Variants in DAB1 observed in about 807,000 individuals in gnomAD.
DAB1 encodes DAB adaptor protein 1, also known as disabled homolog 1.
In DAB1, 15 loss-of-function variants were observed where a neutral mutation model predicts 64.6. The ratio of observed to expected loss-of-function variants is 0.23; its 90% CI spans 0.16 to 0.36. DAB1 has a LOEUF of 0.36. Among genes scored for constraint, DAB1 ranks in the 10% least tolerant of loss-of-function variants. The pLI is 1.00. For synonymous variants in DAB1, 235 were observed against 251.9 expected (o/e 0.93, Z 0.64); for missense variants, 596 against 706.7 (o/e 0.84, Z 1.78).
intron 7 of DAB1, among the ~76,000 whole-genome samples, chr1:57,550,074 C>G (rs2101472822): frequency 6.6e-6 from 1 of 152,252 alleles, no homozygotes; most frequent in Middle Eastern, 3.4e-3. Context: ...GGCTTTGGAA[C>G]AATCAAGACC....
intron 1 of DAB1, among the ~76,000 whole-genome samples, chr1:57,375,983 C>A (rs1680867839): frequency 6.6e-6 from 1 of 152,156 alleles, no homozygotes; most frequent in Admixed American, 6.5e-5. Flanking sequence ...GACACGGACA[C>A]AGACAACTGT....
At chr1:58,118,813 C>T (rs527256659) in intron 5 of DAB1, among the ~76,000 whole-genome samples, 33 of 151,726 alleles carry the variant, frequency 2.2e-4, no homozygotes, top group South Asian at 4.2e-4. Context: ...CCACATACCT[C>T]GGAAATAGCA....
At chr1:57,425,628 G>A (rs568919955), upstream of DAB1, among the ~76,000 whole-genome samples, 8 of 152,312 alleles carry the variant, frequency 5.3e-5, no homozygotes, top group South Asian at 1.7e-3. Flanking sequence ...TGAAAAGATA[G>A]CAATTTACAT....
chr1:58,529,315 G>A (rs1247004046), intron 1 of DAB1, among the ~76,000 whole-genome samples: 2 of 152,088 alleles, frequency 1.3e-5, no homozygotes, highest in South Asian at 2.1e-4. Flanking sequence ...ATAACAGATT[G>A]TTCCTAAATA....
intron 4 of DAB1, among the ~76,000 whole-genome samples, chr1:57,118,246 T>C (rs1360474430): frequency 2.0e-5 from 3 of 152,154 alleles, no homozygotes; most frequent in Non-Finnish European, 4.4e-5. Context: ...ACAGACTCTC[T>C]AATGACAGTG....
intron 2 of DAB1, among the ~76,000 whole-genome samples, chr1:57,183,845 A>AACTAAGGG (rs1168097648): frequency 6.6e-6 from 1 of 152,198 alleles, no homozygotes; most frequent in Admixed American, 6.5e-5. Flanking sequence ...AGAAAAGATC[A>AACTAAGGG]ACTAAGGGCT....
At chr1:57,553,074 C>T (rs1258042031) in intron 7 of DAB1, among the ~76,000 whole-genome samples, 2 of 151,806 alleles carry the variant, frequency 1.3e-5, no homozygotes, top group Admixed American at 6.6e-5. Context: ...AGAAGTAGGG[C>T]TGGAGAGGTG....
chr1:58,316,010 G>C (rs1662551876), intron 4 of DAB1, among the ~76,000 whole-genome samples: 1 of 152,178 alleles, frequency 6.6e-6, no homozygotes, highest in Non-Finnish European at 1.5e-5. Flanking sequence ...GAATCAAAAA[G>C]ACTGTGGTTT....
At chr1:58,473,498 T>C (rs937962385) in intron 3 of DAB1, among the ~76,000 whole-genome samples, 3 of 151,438 alleles carry the variant, frequency 2.0e-5, no homozygotes, top group Non-Finnish European at 2.9e-5. Flanking sequence ...GCCGAGATTG[T>C]GCCACTGCAC....
intron 5 of DAB1, among the ~76,000 whole-genome samples, chr1:57,935,999 C>T (rs1220473556): frequency 2.0e-5 from 3 of 152,222 alleles, no homozygotes; most frequent in Non-Finnish European, 2.9e-5. Context: ...CATATCTATC[C>T]TGAAGTGTGA....
intron 6 of DAB1, among the ~76,000 whole-genome samples, chr1:57,783,048 T>TTTCCTTCCTTCC (rs3081036): frequency 2.5e-5 from 3 of 118,420 alleles, no homozygotes; most frequent in Non-Finnish European, 5.0e-5. Context: ...TCTTTCTTTC[T>TTTCCTTCCTTCC]TTCCTTCCTT....
chr1:57,599,531 C>T (rs1206495329), intron 7 of DAB1, among the ~76,000 whole-genome samples: 1 of 151,954 alleles, frequency 6.6e-6, no homozygotes, highest in Non-Finnish European at 1.5e-5. Context: ...CAAGCAGCAG[C>T]GGGAGCTCGA....
chr1:58,196,642 C>T (rs1657692461), intron 4 of DAB1, among the ~76,000 whole-genome samples: 1 of 152,138 alleles, frequency 6.6e-6, no homozygotes, highest in African/African-American at 2.4e-5. Flanking sequence ...AAAATCACAG[C>T]AGAAGGTGAA....
chr1:57,567,121 C>A (rs948847007), intron 7 of DAB1, among the ~76,000 whole-genome samples: 8 of 152,184 alleles, frequency 5.3e-5, no homozygotes, highest in African/African-American at 1.9e-4. Flanking sequence ...GCTGGTTCAA[C>A]ATATACAAAT....
chr1:57,055,434 C>T (rs1238894349), intron 9 of DAB1, among the ~76,000 whole-genome samples: 2 of 152,064 alleles, frequency 1.3e-5, no homozygotes, highest in Admixed American at 1.3e-4. Flanking sequence ...AGCTGAGCAT[C>T]CTGAATCAAT....
upstream of DAB1, among the ~76,000 whole-genome samples, chr1:57,424,501 T>G (rs1401027312): frequency 2.0e-5 from 3 of 152,138 alleles, no homozygotes. Context: ...AGGGGGGTTG[T>G]CACAAAGTAT....
At chr1:58,116,399 C>T (rs1314681301) in intron 5 of DAB1, among the ~76,000 whole-genome samples, 1 of 152,194 alleles carries the variant, frequency 6.6e-6, no homozygotes, top group Admixed American at 6.6e-5. Flanking sequence ...TTTGTTGCTA[C>T]ACACATTCCT....
At chr1:57,779,761 G>A (rs1047408778) in intron 6 of DAB1, among the ~76,000 whole-genome samples, 2 of 152,124 alleles carry the variant, frequency 1.3e-5, no homozygotes, top group African/African-American at 2.4e-5. Flanking sequence ...ATTGAGCAGA[G>A]TATAGAAAAA....
chr1:57,420,589 A>G (rs935343255), intron 1 of DAB1, among the ~76,000 whole-genome samples: 2 of 152,250 alleles, frequency 1.3e-5, no homozygotes, highest in Non-Finnish European at 2.9e-5. Context: ...GCTGGATTCA[A>G]TCCTGGTCTT....
Sources: allele counts gnomAD v4.1 joint callset (sites outside exome capture counted in the v4.1 genomes callset), GRCh38; gene constraint gnomAD v4.1.1; transcripts MANE v1.5; gene names NCBI Gene and HGNC (gene_info 2026-07-23, HGNC 2026-07-21).